Variants in RBL2 observed in about 807,000 individuals in gnomAD.
The protein encoded by RBL2 is RB transcriptional corepressor like 2.
RBL2 carries 56 observed loss-of-function variants against 126.0 expected under a neutral mutation model. The observed-to-expected ratio is 0.44, with a 90% CI of 0.36 to 0.56. The LOEUF (loss-of-function observed/expected upper bound fraction) is 0.56, where lower values mean the gene tolerates loss of function less well. Ranked by LOEUF, RBL2 falls within the 20% of genes least tolerant of loss-of-function variation. The pLI, the probability that RBL2 is intolerant of heterozygous loss-of-function variation, is 0.00. For missense variants in RBL2, 1,229 were observed against 1,398.2 expected, an observed-to-expected ratio of 0.88 and a Z score of 1.93; for synonymous variants, 454 against 478.5, an observed-to-expected ratio of 0.95 and a Z score of 0.67.
At chr16:53,483,298 C>T (rs1300436606) in intron 21 of RBL2, among the ~76,000 whole-genome samples, 2 of 152,140 alleles carry the variant, frequency 1.3e-5, no homozygotes, top group Non-Finnish European at 2.9e-5. Context: ...CAGTGCCTCA[C>T]GCCTGTAATC....
intron 17 of RBL2, 113 bp downstream of exon 17, chr16:53,471,035 T>G (rs2058318596): frequency 8.9e-7 from 1 of 1,122,446 alleles, no homozygotes; most frequent in African/African-American, 1.6e-5. Context: ...CTATTTAAAA[T>G]GCACAACTAA....
intron 3 of RBL2, among the ~76,000 whole-genome samples, chr16:53,443,993 A>G (rs1305934521): frequency 6.6e-6 from 1 of 152,236 alleles, no homozygotes; most frequent in Non-Finnish European, 1.5e-5. Context: ...TCACGCCTGT[A>G]ATCCCAGCAC....
At chr16:53,473,212 C>T (rs764417989) in intron 17 of RBL2, among the ~76,000 whole-genome samples, 1 of 152,048 alleles carries the variant, frequency 6.6e-6, no homozygotes, top group Non-Finnish European at 1.5e-5. Flanking sequence ...ATCAAATTAT[C>T]AGTTTCACAA....
intron 17 of RBL2, among the ~76,000 whole-genome samples, chr16:53,478,405 T>G (rs1216290982): frequency 6.6e-6 from 1 of 152,152 alleles, no homozygotes; most frequent in Non-Finnish European, 1.5e-5. Flanking sequence ...TTTTTTCTGC[T>G]TCTTTCTCTC....
At chr16:53,449,847 C>T (rs2058097626) in intron 4 of RBL2, among the ~76,000 whole-genome samples, 1 of 151,548 alleles carries the variant, frequency 6.6e-6, no homozygotes, top group Non-Finnish European at 1.5e-5. Flanking sequence ...TTTGTAAGGT[C>T]AGGATTTGAA....
At chr16:53,475,717 T>A (rs969896853) in intron 17 of RBL2, among the ~76,000 whole-genome samples, 1 of 152,002 alleles carries the variant, frequency 6.6e-6, no homozygotes, top group Admixed American at 6.6e-5. Flanking sequence ...TGTTTTAAGA[T>A]GGTTTAAGAT....
intron 4 of RBL2, chr16:53,449,282 G>T (rs969833098): frequency 2.6e-5 from 4 of 152,042 alleles, no homozygotes; most frequent in African/African-American, 7.2e-5. Flanking sequence ...AGTAAATATA[G>T]TTGGTACTAT....
intron 21 of RBL2, chr16:53,488,283 A>C (rs1040003021): frequency 6.6e-6 from 1 of 152,372 alleles, no homozygotes; most frequent in South Asian, 2.1e-4. Context: ...TGCTTAAGTG[A>C]AAGACACTGG....
At chr16:53,476,512 T>C (rs774858248) in intron 17 of RBL2, among the ~76,000 whole-genome samples, 4 of 152,234 alleles carry the variant, frequency 2.6e-5, no homozygotes, top group Admixed American at 6.5e-5. Flanking sequence ...AATTGTTTTA[T>C]ATTGTTAGTA....
chr16:53,464,255 ATC>A lies in RBL2; in HGVS notation c.1596_1597del (p.Leu533GlyfsTer5), dbSNP rs757065708. On this transcript the variant is annotated frameshift_variant, in exon 12 of 22. Coordinates refer to ENST00000262133, the MANE Select transcript of RBL2 (RefSeq NM_005611.4). LOFTEE classifies it high-confidence loss of function. The part of the protein sequence containing the change: ...GILEQDAFHR[S>X]LLACCLEVVT... Reference sequence around the variant, plus strand: ...TTCTGGAACAAGATGCGTTCCACAGATCTCTCTTGGCCTGCTGCCTTGAGGTC... The same window carrying A: ...TTCTGGAACAAGATGCGTTCCACAGATCTCTTGGCCTGCTGCCTTGAGGTC... 1 of 1,596,070 alleles carries A rather than the reference ATC, an allele frequency of 6.3e-7. No homozygotes were observed. The highest frequency in any genetic ancestry group is 1.1e-5 in the South Asian group (1 of 88,188).
intron 21 of RBL2, among the ~76,000 whole-genome samples, chr16:53,485,077 C>T (rs183720994): frequency 1.4e-3 from 205 of 151,252 alleles, no homozygotes; most frequent in African/African-American, 4.5e-3. Flanking sequence ...ACTAAGGATA[C>T]AGAAGATGTA....
chr16:53,466,730 G>C (rs1429413912), intron 13 of RBL2: 1 of 216,730 alleles, frequency 4.6e-6, no homozygotes, highest in Non-Finnish European at 9.2e-6. Flanking sequence ...ATGCTCACTT[G>C]CCTGCTGCTC....
intron 9 of RBL2, among the ~76,000 whole-genome samples, chr16:53,461,497 A>AT (rs2058220452): frequency 1.3e-5 from 2 of 151,918 alleles, no homozygotes; most frequent in African/African-American, 4.8e-5. Flanking sequence ...GTCTCAAAAA[A>AT]AATATATATA....
chr16:53,471,010 T>G, intron 17 of RBL2, 88 bp downstream of exon 17: 1 of 1,338,916 alleles, frequency 7.5e-7, no homozygotes, highest in Non-Finnish European at 1.0e-6. Context: ...ACAGTTTACA[T>G]GCTCTATAAT....
chr16:53,465,050 C>G (rs571934592), intron 12 of RBL2, among the ~76,000 whole-genome samples: 2 of 152,166 alleles, frequency 1.3e-5, no homozygotes, highest in Non-Finnish European at 2.9e-5. Context: ...GCCACGGCCC[C>G]CCAGAGTGCT....
At chr16:53,479,603 A>G (rs1051112315) in intron 18 of RBL2, 3 of 452,898 alleles carry the variant, frequency 6.6e-6, no homozygotes, top group Admixed American at 4.0e-5. Context: ...CTGAGAGGCA[A>G]ATCGGCCAGA....
chr16:53,481,538 A>T (rs1224045937), intron 20 of RBL2, 133 bp from the exon 21 acceptor site: 13 of 810,612 alleles, frequency 1.6e-5, no homozygotes, highest in Non-Finnish European at 2.4e-5. Flanking sequence ...CTTTAGGTTA[A>T]GTTATTGCTA....
At position 53,470,065 on chromosome 16, in the gene RBL2, G is replaced by C; in HGVS notation, c.2125G>C (p.Val709Leu). The C allele has an allele frequency of 6.2e-7, 1 of 1,614,228 alleles. No homozygotes were observed. Among genetic ancestry groups the C allele is most frequent in the Non-Finnish European group, 8.5e-7 (1 of 1,180,034 alleles). The stretch of plus-strand genomic sequence containing the variant: ...ACAGCCCCTAGTCAATGCTGTCCCT[G>C]TGCAGAATGTATCTGGGGAGACTGT... ...PPQPLVNAVP[V>L]QNVSGETVSV... The change falls in exon 15 of 22, where the codon GTG becomes CTG. Residue 709 changes from valine (V) to leucine (L), a missense_variant. Transcript: ENST00000262133.
At chr16:53,481,624 A>C in intron 20 of RBL2, 47 bp from the exon 21 acceptor site, 1 of 1,420,938 alleles carries the variant, frequency 7.0e-7, no homozygotes, top group South Asian at 1.4e-5. Flanking sequence ...AGTAAAAATA[A>C]TTATAAATTT....
Sources: allele counts gnomAD v4.1 joint callset (sites outside exome capture counted in the v4.1 genomes callset), GRCh38; gene constraint gnomAD v4.1.1; transcripts MANE v1.5; gene names NCBI Gene and HGNC (gene_info 2026-07-23, HGNC 2026-07-21).